Variants in USH2A observed in about 807,000 individuals in gnomAD.
The protein encoded by USH2A is usherin.
A neutral mutation model predicts 538.9 loss-of-function variants in USH2A; 443 were observed. The ratio of observed to expected loss-of-function variants is 0.82; its 90% CI spans 0.76 to 0.89. The LOEUF is 0.89. Ranked by LOEUF, USH2A falls within the 40% of genes least tolerant of loss-of-function variation. USH2A has a pLI of 0.00. For synonymous variants in USH2A, 2,413 were observed against 2,273.5 expected, an observed-to-expected ratio of 1.06 and a Z score of -1.75; for missense variants, 6,633 against 6,324.8, an observed-to-expected ratio of 1.05 and a Z score of -1.65.
chr1:215,672,758 C>T (rs1247522995), intron 63 of USH2A, among the ~76,000 whole-genome samples: 3 of 152,194 alleles, frequency 2.0e-5, no homozygotes, highest in Non-Finnish European at 4.4e-5. Context: ...TGAACTCCAA[C>T]TTCATATAGA....
chr1:215,740,754 G>A (rs1429590027), intron 60 of USH2A, among the ~76,000 whole-genome samples: 1 of 152,210 alleles, frequency 6.6e-6, no homozygotes, highest in Non-Finnish European at 1.5e-5. Context: ...GACTGGTTTT[G>A]TGGAAGACAA....
intron 4 of USH2A, among the ~76,000 whole-genome samples, chr1:216,346,213 G>A (rs1410632683): frequency 6.6e-6 from 1 of 152,068 alleles, no homozygotes; most frequent in African/African-American, 2.4e-5. Flanking sequence ...AGAAATTTAA[G>A]AGGACTTTTT....
rs150598451 is a variant in USH2A, at chr1:216,399,932, A to G, written c.651+18582T>C. ...TCTGTGCACACCTCAATGTAAGGAC[A>G]GCTTCTGAATAAAAAAAGAAGATGA... On this transcript the variant is annotated intron_variant, in intron 3 of 71. Transcript: ENST00000307340. Among the ~76,000 whole-genome samples the G allele has an allele frequency of 5.0e-3, 531 of 106,000 alleles. 4 individuals are homozygous for G. Among genetic ancestry groups the G allele is most frequent in the African/African-American group, 0.014 (501 of 35,108 alleles). 69.5% of individuals were successfully genotyped at this position (106,000 alleles called of 152,430 possible). A position where few individuals can be genotyped will look rare whatever the true frequency, so the allele number is the denominator to read the frequency against.
chr1:216,004,950 C>A (rs895194283), intron 32 of USH2A, among the ~76,000 whole-genome samples: 1 of 152,104 alleles, frequency 6.6e-6, no homozygotes, highest in Non-Finnish European at 1.5e-5. Flanking sequence ...TGGGCATTAT[C>A]CTCTAACTAC....
At chr1:215,957,081 T>A (rs920326038) in intron 37 of USH2A, among the ~76,000 whole-genome samples, 1 of 152,208 alleles carries the variant, frequency 6.6e-6, no homozygotes. Flanking sequence ...CATCCAGAAA[T>A]GTGTTGGAAA....
intron 71 of USH2A, among the ~76,000 whole-genome samples, chr1:215,627,895 A>G (rs1431896553): frequency 6.6e-6 from 1 of 152,184 alleles, no homozygotes; most frequent in Non-Finnish European, 1.5e-5. Context: ...GGAAGTTAGC[A>G]CAATGAAATT....
At chr1:216,085,184 C>G in intron 24 of USH2A, 1 of 313,684 alleles carries the variant, frequency 3.2e-6, no homozygotes, top group African/African-American at 2.1e-5. Flanking sequence ...CCACTAGCCT[C>G]AAAAATAAAG....
At chr1:216,313,059 C>T (rs532195648) in intron 9 of USH2A, among the ~76,000 whole-genome samples, 13 of 152,226 alleles carry the variant, frequency 8.5e-5, no homozygotes, top group African/African-American at 2.9e-4. Context: ...GGTGTGAGGG[C>T]AGCACATGGG....
chr1:215,642,679 C>G (rs1278262084), intron 67 of USH2A, among the ~76,000 whole-genome samples: 2 of 152,164 alleles, frequency 1.3e-5, no homozygotes, highest in Admixed American at 6.5e-5. Context: ...TTTACATCCA[C>G]TCTATCTGGC....
chr1:215,971,131 A>G (rs1270929721), intron 35 of USH2A, among the ~76,000 whole-genome samples: 1 of 152,222 alleles, frequency 6.6e-6, no homozygotes, highest in East Asian at 1.9e-4. Context: ...TATTCTTAAT[A>G]GATATGCCCC....
chr1:215,798,896 G>A lies in USH2A; in HGVS notation c.9958+11C>T, dbSNP rs768298036. ...CCTCCATCTACTGAAAGGTAGACCT[G>A]GGCCCCTTACCTGGAAGGCGATTGT... is the stretch of plus-strand genomic sequence containing the variant. On this transcript the variant is annotated intron_variant, in intron 50 of 71. Coordinates refer to ENST00000307340, the MANE Select transcript of USH2A (RefSeq NM_206933.4). 6.2e-7 allele frequency: 1 copy of A among 1,613,902 alleles called. No homozygotes were observed. The highest frequency in any genetic ancestry group is 1.1e-5 in the South Asian group (1 of 91,072).
intron 51 of USH2A, among the ~76,000 whole-genome samples, chr1:215,787,280 A>G (rs1661829079): frequency 6.6e-6 from 1 of 152,214 alleles, no homozygotes; most frequent in Non-Finnish European, 1.5e-5. Flanking sequence ...ACACACTACA[A>G]ATATTTTATT....
chr1:216,245,858 C>T (rs1228883205), intron 13 of USH2A, among the ~76,000 whole-genome samples: 1 of 152,120 alleles, frequency 6.6e-6, no homozygotes, highest in Non-Finnish European at 1.5e-5. Context: ...TTTATAGACC[C>T]ATATAACTCA....
intron 61 of USH2A, among the ~76,000 whole-genome samples, chr1:215,721,992 G>T (rs58761412): frequency 0.17 from 25,377 of 151,320 alleles, 2,196 homozygotes; most frequent in South Asian, 0.29. Flanking sequence ...TTCAGTGCAG[G>T]ACATCAAGGC....
At chr1:216,236,442 T>C (rs1423178404) in intron 13 of USH2A, among the ~76,000 whole-genome samples, 1 of 152,208 alleles carries the variant, frequency 6.6e-6, no homozygotes, top group African/African-American at 2.4e-5. Context: ...AATGTCTTAG[T>C]ATATTTGTGA....
At chr1:216,152,584 A>G (rs1052803634) in intron 21 of USH2A, among the ~76,000 whole-genome samples, 30 of 151,876 alleles carry the variant, frequency 2.0e-4, no homozygotes, top group African/African-American at 7.0e-4. Context: ...ATCTCCCTTC[A>G]CTGACTCTCT....
chr1:216,286,407 C>T (rs1486455623), intron 11 of USH2A, among the ~76,000 whole-genome samples: 1 of 152,108 alleles, frequency 6.6e-6, no homozygotes, highest in Non-Finnish European at 1.5e-5. Flanking sequence ...GAGGCCTTCC[C>T]AGCCACGTAG....
chr1:216,048,658 A>T lies in USH2A; in HGVS notation c.6050-11T>A. The T allele has an allele frequency of 6.2e-7, 1 of 1,608,574 alleles. No homozygotes were observed. ...AGCCTGTCAATATGCCTATAATAAA[A>T]AGGGACAAAAGAGGGTTGCGTGTTT... On this transcript the variant is annotated splice_polypyrimidine_tract_variant and intron_variant, in intron 30 of 71. Transcript: ENST00000307340.
At chr1:216,402,064 T>C (rs971714891) in intron 3 of USH2A, among the ~76,000 whole-genome samples, 4 of 152,156 alleles carry the variant, frequency 2.6e-5, no homozygotes, top group Non-Finnish European at 5.9e-5. Context: ...TGTGTATGCA[T>C]CTGTGTTTGT....
Sources: gnomAD v4.1 joint callset for allele counts (sites outside exome capture counted in the v4.1 genomes callset) on GRCh38, gnomAD v4.1.1 for gene constraint, MANE v1.5 for transcripts, NCBI Gene and HGNC (gene_info 2026-07-23, HGNC 2026-07-21) for gene names.